Variants in BTNL9 observed in about 807,000 individuals in gnomAD.
BTNL9 encodes butyrophilin like 9.
A neutral mutation model predicts 45.8 loss-of-function variants in BTNL9; 45 were observed. The ratio of observed to expected loss-of-function variants is 0.98; its 90% CI spans 0.77 to 1.26. BTNL9 has a LOEUF of 1.26. Ranked by LOEUF, BTNL9 falls within the 50% of genes most tolerant of loss-of-function variation. The pLI is 0.00. For synonymous variants in BTNL9, 346 were observed against 330.8 expected, an observed-to-expected ratio of 1.05 and a Z score of -0.50; for missense variants, 784 against 729.7, an observed-to-expected ratio of 1.07 and a Z score of -0.86.
In BTNL9 at chr5:181,047,992, T is replaced by C. The variant is rs1761273666; in HGVS notation, c.175T>C (p.Cys59Arg). Residue 59 changes from cysteine (C) to arginine (R), a missense_variant, in exon 3 of 11, where the codon TGC becomes CGC. Cys to Arg is a radical substitution (Grantham distance 180). Transcript: ENST00000327705. ...CGTCGGGGAGGAGGTGGAGTTCCCG[T>C]GCCACCTATGGCCACAGCTGGATGC... ...ALVGEEVEFPCHLWPQLDAQQ... is the reference protein window; with the variant it reads ...ALVGEEVEFPRHLWPQLDAQQ... The C allele has an allele frequency of 6.2e-7, 1 of 1,613,860 alleles. No individual in the cohort carries two copies. Among genetic ancestry groups the C allele is most frequent in the African/African-American group, 1.3e-5 (1 of 75,042 alleles).
intron 4 of BTNL9, among the ~76,000 whole-genome samples, chr5:181,051,125 C>T (rs945418522): frequency 2.0e-5 from 3 of 150,582 alleles, no homozygotes; most frequent in Non-Finnish European, 4.4e-5. Flanking sequence ...TGGTAGGTGC[C>T]GTAGAGAAAA....
Position 181,055,369 on chromosome 5 carries a change from T to C in BTNL9, c.908-64T>C. 6.2e-7 allele frequency: 1 copy of C among 1,613,396 alleles called. No individual in the cohort carries two copies. Among genetic ancestry groups the C allele is most frequent in the Non-Finnish European group, 8.5e-7 (1 of 1,179,828 alleles). ...ACTAAGGAAGCTCTTCCCAGTGGCC[T>C]GTCTTGGGAAGATGGTTCCACCCAC... On this transcript the variant is annotated intron_variant, in intron 7 of 10. Coordinates refer to ENST00000327705, the MANE Select transcript of BTNL9 (RefSeq NM_152547.5). This position sits in a 1 kb window ranked among gnomAD's most constrained non-coding sequence, Gnocchi z 4.4.
chr5:181,050,604 C>G lies in BTNL9; in HGVS notation c.736+235C>G, dbSNP rs1171895402. ...AGAGCCCGCCTTTCTGTGCCTAAGG[C>G]CATACACTAAAACCCATCAACTCTG... On this transcript the variant is annotated intron_variant, in intron 4 of 10. Coordinates refer to ENST00000327705, the MANE Select transcript of BTNL9 (RefSeq NM_152547.5). The surrounding 1 kb of genome is among the most constrained non-coding windows in gnomAD (Gnocchi z 4.9). Among the ~76,000 whole-genome samples the G allele has an allele frequency of 6.6e-6, 1 of 152,186 alleles. No individual in the cohort carries two copies. The highest frequency in any genetic ancestry group is 1.5e-5 in the Non-Finnish European group (1 of 68,034).
chr5:181,048,044 G>A lies in BTNL9; in HGVS notation c.227G>A (p.Arg76Gln), dbSNP rs764540463. ...DAQQMEIRWFRSQTFNVVHLY... is the reference protein window; with the variant it reads ...DAQQMEIRWFQSQTFNVVHLY... ...CAGCAAATGGAGATCCGCTGGTTCC[G>A]GAGTCAGACCTTCAATGTGGTACAC... Residue 76 changes from arginine to glutamine, a missense_variant, in exon 3 of 11, where the codon CGG becomes CAG. By Grantham distance (43) the Arg-to-Gln change is conservative. Transcript: ENST00000327705. 6 of 1,613,564 alleles carry A rather than the reference G, an allele frequency of 3.7e-6. No individual in the cohort carries two copies. The Admixed American group carries it at 5.0e-5, about 13-fold the overall frequency.
chr5:181,046,544 C>G (rs1761167264), intron 2 of BTNL9, among the ~76,000 whole-genome samples: 1 of 152,180 alleles, frequency 6.6e-6, no homozygotes, highest in Non-Finnish European at 1.5e-5. Flanking sequence ...TTCCTAATTT[C>G]CTGGGCTGGA....
rs1214452822 is a variant in BTNL9 at position 181,053,581 on chromosome 5, A to T, written c.886+80A>T. 4 of 1,550,884 alleles carry T rather than the reference A, an allele frequency of 2.6e-6. No homozygotes were observed. Among genetic ancestry groups the T allele is most frequent in the Non-Finnish European group, 3.5e-6 (4 of 1,147,076 alleles). Reference sequence around the variant, plus strand: ...TCATCTAAAGGCTGTGGGTCCCGTTACGAGGGTTTATTCCAGCGCGAGGTG... The same window carrying T: ...TCATCTAAAGGCTGTGGGTCCCGTTTCGAGGGTTTATTCCAGCGCGAGGTG... On this transcript the variant is annotated intron_variant, in intron 6 of 10. Coordinates refer to ENST00000327705, the MANE Select transcript of BTNL9 (RefSeq NM_152547.5). The surrounding 1 kb of genome is among the most constrained non-coding windows in gnomAD (Gnocchi z 6.5).
chr5:181,053,036 C>T lies in BTNL9; in HGVS notation c.737-164C>T, dbSNP rs959086748. The T allele has an allele frequency of 9.9e-6, 3 of 302,180 alleles. No homozygotes were observed. Among genetic ancestry groups the T allele is most frequent in the African/African-American group, 7.3e-5 (3 of 41,012 alleles). The allele number at this position is 302,180 out of a possible 1,614,324, so 18.7% of individuals were successfully genotyped here. A position where few individuals can be genotyped will look rare whatever the true frequency, so the allele number is the denominator to read the frequency against. ...CCTCCGCCGCGCGCGCCCCCGCCCC[C>T]TCCGCCGCGCGCGCTCCCGCTCCAC... On this transcript the variant is annotated intron_variant, in intron 4 of 10. Coordinates refer to ENST00000327705, the MANE Select transcript of BTNL9 (RefSeq NM_152547.5). The surrounding 1 kb of genome is among the most constrained non-coding windows in gnomAD (Gnocchi z 6.5).
chr5:181,054,311 C>T (rs767315502), intron 7 of BTNL9, 52 bp downstream of exon 7: 2 of 1,604,362 alleles, frequency 1.2e-6, no homozygotes, highest in South Asian at 1.1e-5. Context: ...GACCCTGTGC[C>T]TGTGCAGTGG....
rs1049746142 is a variant in BTNL9, at chr5:181,053,077, G to T, written c.737-123G>T. ...CCCGCTCCACGCCCGTTTCCCAGGC[G>T]GCTGCGGTGGCGCCCGGAGAAGGTC... On this transcript the variant is annotated intron_variant, in intron 4 of 10. Transcript: ENST00000327705. The surrounding 1 kb of genome is among the most constrained non-coding windows in gnomAD (Gnocchi z 6.5). The T allele has an allele frequency of 6.6e-6, 5 of 752,148 alleles. No homozygotes were observed. The highest frequency in any genetic ancestry group is 3.7e-5 in the Admixed American group (1 of 27,062). The allele number at this position is 752,148 out of a possible 1,614,324, so 46.6% of individuals were successfully genotyped here.
chr5:181,040,413 C>T lies in BTNL9; in HGVS notation c.-43C>T, dbSNP rs1357240955. On this transcript the variant is annotated 5_prime_UTR_variant, in exon 1 of 11. Transcript: ENST00000327705. Reference sequence around the variant, plus strand: ...CCAGGACTCATCTGCCATTTCAGACCTTTTGCTGCTACCTGCCAGGTAAGT... The same window carrying T: ...CCAGGACTCATCTGCCATTTCAGACTTTTTGCTGCTACCTGCCAGGTAAGT... The T allele has an allele frequency of 6.6e-6, 1 of 152,170 alleles. No individual in the cohort carries two copies. Among genetic ancestry groups the T allele is most frequent in the East Asian group, 1.9e-4 (1 of 5,186 alleles). 9.4% of individuals were successfully genotyped at this position (152,170 alleles called of 1,614,324 possible).
In BTNL9 at chr5:181,047,996, A is replaced by C. The variant is rs1582125594; in HGVS notation, c.179A>C (p.His60Pro). Residue 60 changes from histidine to proline, a missense_variant, in exon 3 of 11, where the codon CAC (histidine) becomes CCC (proline). His to Pro is a moderately conservative substitution (Grantham distance 77). Transcript: ENST00000327705. ...GGGGAGGAGGTGGAGTTCCCGTGCC[A>C]CCTATGGCCACAGCTGGATGCCCAG... ...LVGEEVEFPC[H>P]LWPQLDAQQM... 6.2e-7 allele frequency: 1 copy of C among 1,613,748 alleles called. No homozygotes were observed. The highest frequency in any genetic ancestry group is 1.1e-5 in the South Asian group (1 of 91,074).
chr5:181,048,543 T>A (rs77910287), intron 3 of BTNL9, among the ~76,000 whole-genome samples: 2 of 151,358 alleles, frequency 1.3e-5, no homozygotes, highest in African/African-American at 4.9e-5. Context: ...TCACTTGAGC[T>A]CCAGAGTTCG....
Position 181,048,004 on chromosome 5 carries a change from C to T in BTNL9, c.187C>T (p.Pro63Ser). The T allele has an allele frequency of 6.2e-7, 1 of 1,613,812 alleles. No homozygotes were observed. Among genetic ancestry groups the T allele is most frequent in the African/African-American group, 1.3e-5 (1 of 75,038 alleles). The stretch of plus-strand genomic sequence containing the variant: ...GGTGGAGTTCCCGTGCCACCTATGG[C>T]CACAGCTGGATGCCCAGCAAATGGA... ...EEVEFPCHLWPQLDAQQMEIR... is the reference protein window; with the variant it reads ...EEVEFPCHLWSQLDAQQMEIR... Residue 63 changes from proline to serine, a missense_variant, in exon 3 of 11, where the codon CCA becomes TCA. Transcript: ENST00000327705.
Position 181,059,219 on chromosome 5 carries a change from C to G in BTNL9, c.983-18C>G. ...CCAGACCGTCCCGGGCGGGCACTAA[C>G]GCTGTGGCTCTGCGCAGTGGATGTG... On this transcript the variant is annotated intron_variant, in intron 10 of 10. Coordinates refer to ENST00000327705, the MANE Select transcript of BTNL9 (RefSeq NM_152547.5). 5.3e-6 allele frequency: 8 copies of G among 1,519,392 alleles called. No homozygotes were observed. Among genetic ancestry groups the G allele is most frequent in the Non-Finnish European group, 7.0e-6 (8 of 1,142,340 alleles). The allele number at this position is 1,519,392 out of a possible 1,614,324, so 94.1% of individuals were successfully genotyped here.
intron 3 of BTNL9, among the ~76,000 whole-genome samples, chr5:181,048,797 T>TATATTATATAATTATATTATTTATATA (rs1761352193): frequency 1.2e-4 from 2 of 16,754 alleles, no homozygotes; most frequent in African/African-American, 3.2e-4. Flanking sequence ...TATATAGTTA[T>TATATTATATAATTATATTATTTATATA]ATATTATATA....
At chr5:181,051,090 A>AAAAAAAAAAAAAC (rs1561981261) in intron 4 of BTNL9, among the ~76,000 whole-genome samples, 3 of 19,220 alleles carry the variant, frequency 1.6e-4, no homozygotes, top group African/African-American at 4.0e-4. Context: ...AAAAAAAAAC[A>AAAAAAAAAAAAAC]AAAAAAAAAA....
chr5:181,054,447 G>A (rs1281685659), intron 7 of BTNL9, 188 bp downstream of exon 7: 1 of 985,316 alleles, frequency 1.0e-6, no homozygotes, highest in Non-Finnish European at 1.2e-6. Context: ...AGCTGCCCGA[G>A]ACCCTCTGCA....
intron 3 of BTNL9, 33 bp downstream of exon 3, chr5:181,048,304 G>T (rs538519233): frequency 1.3e-6 from 2 of 1,546,518 alleles, no homozygotes; most frequent in Admixed American, 1.8e-5. Context: ...CTGCAGAGGA[G>T]AGGGAGATCC....
At chr5:181,049,949 G>A (rs112029670) in intron 3 of BTNL9, 139 bp from the exon 4 acceptor site, 67 of 1,114,804 alleles carry the variant, frequency 6.0e-5, no homozygotes, top group African/African-American at 4.5e-4. Flanking sequence ...GGCGGGGAGC[G>A]CCAAGCCCAC....
Sources: allele counts gnomAD v4.1 joint callset (sites outside exome capture counted in the v4.1 genomes callset), GRCh38; gene constraint gnomAD v4.1.1; non-coding constraint Gnocchi (gnomAD v3.1); transcripts MANE v1.5; gene names NCBI Gene and HGNC (gene_info 2026-07-23, HGNC 2026-07-21).